The following SCLT1 variants were observed in gnomAD, a reference collection of about 807,000 sequenced individuals.
The protein encoded by SCLT1 is sodium channel and clathrin linker 1, also known as sodium channel-associated protein 1.
Under a neutral mutation model 112.8 loss-of-function variants are expected in SCLT1, and 78 were observed. That is an observed-to-expected ratio of 0.69 (90% CI 0.58 to 0.83). The LOEUF is 0.83. Ranked by LOEUF, SCLT1 falls within the 40% of genes least tolerant of loss-of-function variation. The probability of loss-of-function intolerance (pLI) is 0.00; values close to 1 mark genes in which losing one functional copy is unlikely to be tolerated. For synonymous variants in SCLT1, 257 were observed against 254.7 expected (o/e 1.01, Z -0.09); for missense variants, 747 against 770.4 (o/e 0.97, Z 0.36).
intron 14 of SCLT1, 92 bp downstream of exon 14, chr4:128,952,677 T>C (rs937821345): frequency 8.0e-5 from 65 of 807,942 alleles, no homozygotes; most frequent in Non-Finnish European, 4.9e-5. Context: ...GTTTAATAAG[T>C]ATCTTTTGAA....
intron 2 of SCLT1, among the ~76,000 whole-genome samples, chr4:129,063,517 C>T (rs1750182959): frequency 6.6e-6 from 1 of 152,130 alleles, no homozygotes; most frequent in Admixed American, 6.5e-5. Context: ...AAGAGTTGTG[C>T]CAGCTGACTG....
At chr4:128,936,170 A>G (rs1737165648) in intron 18 of SCLT1, among the ~76,000 whole-genome samples, 1 of 151,940 alleles carries the variant, frequency 6.6e-6, no homozygotes, top group Admixed American at 6.6e-5. Context: ...ACTATAGTAA[A>G]TCATATGGTG....
chr4:128,911,056 G>A (rs1421444995), intron 18 of SCLT1, among the ~76,000 whole-genome samples: 1 of 152,072 alleles, frequency 6.6e-6, no homozygotes, highest in Non-Finnish European at 1.5e-5. Flanking sequence ...CTGAGGTCAG[G>A]AGTTCGAGAC....
At chr4:128,905,599 CCACT>C (rs1330414597) in intron 18 of SCLT1, among the ~76,000 whole-genome samples, 1 of 152,002 alleles carries the variant, frequency 6.6e-6, no homozygotes, top group Non-Finnish European at 1.5e-5. Context: ...TTAGAATAGC[CCACT>C]CAATCTGATC....
chr4:128,919,352 C>T (rs11098992), intron 18 of SCLT1, among the ~76,000 whole-genome samples: 16,300 of 152,024 alleles, frequency 0.11, 1,152 homozygotes, highest in Middle Eastern at 0.21. Flanking sequence ...AAGGCAGAAA[C>T]CAATAAATTA....
intron 4 of SCLT1, chr4:129,039,928 AC>A (rs1561001767): frequency 2.1e-5 from 10 of 466,328 alleles, no homozygotes; most frequent in East Asian, 2.1e-4. Context: ...ACACACACAC[AC>A]ACAAAACCCT....
chr4:129,025,226 C>G (rs975807321), intron 5 of SCLT1, among the ~76,000 whole-genome samples: 5 of 152,108 alleles, frequency 3.3e-5, no homozygotes, highest in Non-Finnish European at 7.3e-5. Context: ...TTGAGAAGAG[C>G]AACTCCAAGA....
intron 8 of SCLT1, among the ~76,000 whole-genome samples, chr4:128,993,183 C>T (rs1348283729): frequency 6.6e-6 from 1 of 152,012 alleles, no homozygotes; most frequent in Non-Finnish European, 1.5e-5. Flanking sequence ...GTGGTTTACT[C>T]ATTCTCAGGT....
chr4:129,087,186 T>C (rs965622868), intron 1 of SCLT1, among the ~76,000 whole-genome samples: 1 of 152,040 alleles, frequency 6.6e-6, no homozygotes, highest in Non-Finnish European at 1.5e-5. Flanking sequence ...GATAGAAGAC[T>C]GCACAGAGAA....
intron 9 of SCLT1, among the ~76,000 whole-genome samples, chr4:128,976,317 A>C (rs929266675): frequency 6.6e-6 from 1 of 152,206 alleles, no homozygotes; most frequent in Non-Finnish European, 1.5e-5. Context: ...TAAATTTTAC[A>C]AAATACCTAC....
intron 4 of SCLT1, among the ~76,000 whole-genome samples, chr4:129,040,944 C>G (rs977193453): frequency 1.3e-5 from 2 of 152,016 alleles, no homozygotes; most frequent in African/African-American, 4.8e-5. Context: ...AAGTGATCAA[C>G]CTTTGGCGGT....
At chr4:128,966,854 TC>T (rs1740243101) in intron 10 of SCLT1, among the ~76,000 whole-genome samples, 2 of 151,652 alleles carry the variant, frequency 1.3e-5, no homozygotes, top group South Asian at 4.2e-4. Flanking sequence ...TTTTTTTTTT[TC>T]CTCCCTTCCA....
intron 18 of SCLT1, among the ~76,000 whole-genome samples, chr4:128,902,730 C>T (rs1579329072): frequency 1.3e-5 from 2 of 152,242 alleles, no homozygotes; most frequent in East Asian, 3.9e-4. Context: ...CATATTTTTT[C>T]TTCAACACTA....
At chr4:129,087,485 GA>G (rs532075122) in intron 1 of SCLT1, among the ~76,000 whole-genome samples, 91 of 144,578 alleles carry the variant, frequency 6.3e-4, no homozygotes, top group African/African-American at 1.4e-3. Flanking sequence ...TATTGGGAAG[GA>G]AAAAAAAAAA....
chr4:128,982,601 A>C (rs566483502), intron 9 of SCLT1, among the ~76,000 whole-genome samples: 5 of 152,032 alleles, frequency 3.3e-5, no homozygotes, highest in African/African-American at 1.2e-4. Context: ...TCCTGGGTTC[A>C]AGCAATTCTC....
chr4:129,083,423 T>C (rs1247126496), intron 1 of SCLT1, among the ~76,000 whole-genome samples: 1 of 128,396 alleles, frequency 7.8e-6, no homozygotes, highest in African/African-American at 3.0e-5. Flanking sequence ...TATCTTACAA[T>C]AGCACTATTA....
At chr4:128,898,201 C>A (rs187673387) in intron 18 of SCLT1, among the ~76,000 whole-genome samples, 1 of 152,292 alleles carries the variant, frequency 6.6e-6, no homozygotes, top group African/African-American at 2.4e-5. Context: ...ACTCTCCACC[C>A]CAAATCAACA....
chr4:128,932,109 C>A (rs1239226107), intron 18 of SCLT1, among the ~76,000 whole-genome samples: 1 of 152,006 alleles, frequency 6.6e-6, no homozygotes. Flanking sequence ...GTTCCCATAC[C>A]AGATCTCTGC....
intron 9 of SCLT1, among the ~76,000 whole-genome samples, chr4:128,976,916 C>T (rs1409018190): frequency 2.0e-5 from 3 of 152,126 alleles, no homozygotes; most frequent in Non-Finnish European, 4.4e-5. Flanking sequence ...TGTCAATGAC[C>T]TTAATTGACA....
Sources: allele counts gnomAD v4.1 joint callset (sites outside exome capture counted in the v4.1 genomes callset), GRCh38; gene constraint gnomAD v4.1.1; transcripts MANE v1.5; gene names NCBI Gene and HGNC (gene_info 2026-07-23, HGNC 2026-07-21).